Variants in HPSE2 observed in about 807,000 individuals in gnomAD.
HPSE2 encodes heparanase 2 (inactive).
A neutral mutation model predicts 60.5 loss-of-function variants in HPSE2; 38 were observed. The ratio of observed to expected loss-of-function variants is 0.63; its 90% CI spans 0.48 to 0.82. The LOEUF (loss-of-function observed/expected upper bound fraction) is 0.82, where lower values mean the gene tolerates loss of function less well. HPSE2 is among the 40% of genes least tolerant of loss of function. The pLI, the probability that HPSE2 is intolerant of heterozygous loss-of-function variation, is 0.00. For synonymous variants in HPSE2, 295 were observed against 293.2 expected, an observed-to-expected ratio of 1.01 and a Z score of -0.06; for missense variants, 713 against 740.4, an observed-to-expected ratio of 0.96 and a Z score of 0.43.
intron 3 of HPSE2, among the ~76,000 whole-genome samples, chr10:98,850,900 T>C (rs907095063): frequency 6.6e-6 from 1 of 152,224 alleles, no homozygotes; most frequent in Non-Finnish European, 1.5e-5. Flanking sequence ...AAGTAGACAC[T>C]GTTTCTCCCT....
intron 9 of HPSE2, among the ~76,000 whole-genome samples, chr10:98,522,017 G>C (rs1942810647): frequency 1.3e-5 from 2 of 151,936 alleles, no homozygotes; most frequent in African/African-American, 4.8e-5. Context: ...AAAGCATTAG[G>C]AGAAATACCT....
chr10:98,703,008 G>T lies in HPSE2; in HGVS notation c.957-9061C>A, dbSNP rs143186576. On this transcript the variant is annotated intron_variant, in intron 5 of 11. Transcript: ENST00000370552. ...CAATGAATCCAGGAGCTGGTTTTTAGTAAAAATTAACAAAATAGATAGACT... is the reference window on the plus strand; with the variant it reads ...CAATGAATCCAGGAGCTGGTTTTTATTAAAAATTAACAAAATAGATAGACT... Among the ~76,000 whole-genome samples, 386 of 152,108 alleles carry T rather than the reference G, an allele frequency of 2.5e-3. 2 individuals are homozygous for T. The highest frequency in any genetic ancestry group is 0.02 in the Middle Eastern group (6 of 294).
chr10:99,224,029 A>G (rs1294784651), intron 2 of HPSE2, among the ~76,000 whole-genome samples: 1 of 152,116 alleles, frequency 6.6e-6, no homozygotes. Context: ...AGACTACTAC[A>G]AAATTTATGT....
At chr10:98,946,790 G>A (rs1422513362) in intron 3 of HPSE2, among the ~76,000 whole-genome samples, 1 of 151,974 alleles carries the variant, frequency 6.6e-6, no homozygotes, top group Non-Finnish European at 1.5e-5. Context: ...AGTATCTATT[G>A]TACTATGGTA....
At chr10:98,467,756 C>A (rs935757630) in intron 11 of HPSE2, among the ~76,000 whole-genome samples, 1 of 152,280 alleles carries the variant, frequency 6.6e-6, no homozygotes, top group East Asian at 1.9e-4. Context: ...TGCGCTTGGC[C>A]TCCCGGAGGA....
At chr10:98,821,497 G>GC (rs1951422501) in intron 3 of HPSE2, among the ~76,000 whole-genome samples, 1 of 152,174 alleles carries the variant, frequency 6.6e-6, no homozygotes, top group South Asian at 2.1e-4. Flanking sequence ...ACAAAAATGT[G>GC]CAGCACATGA....
intron 3 of HPSE2, among the ~76,000 whole-genome samples, chr10:98,891,113 G>C (rs990868131): frequency 6.6e-6 from 1 of 151,930 alleles, no homozygotes; most frequent in African/African-American, 2.4e-5. Context: ...TATTGATCTA[G>C]GTTCTAGGGT....
intron 3 of HPSE2, among the ~76,000 whole-genome samples, chr10:99,098,567 T>G (rs1843807627): frequency 2.0e-5 from 3 of 152,224 alleles, no homozygotes; most frequent in Admixed American, 2.0e-4. Context: ...CCACTTTTAT[T>G]CTTAACTCCA....
At chr10:98,706,643 T>C (rs1281617418) in intron 5 of HPSE2, among the ~76,000 whole-genome samples, 2 of 151,990 alleles carry the variant, frequency 1.3e-5, no homozygotes, top group Non-Finnish European at 2.9e-5. Context: ...GAATATGAGA[T>C]TGAAAGAAGG....
At chr10:99,044,707 A>G (rs1488486685) in intron 3 of HPSE2, among the ~76,000 whole-genome samples, 1 of 152,288 alleles carries the variant, frequency 6.6e-6, no homozygotes, top group South Asian at 2.1e-4. Context: ...AAATAGCAGG[A>G]ATTGTTATTC....
At chr10:99,254,703 G>T in the HPSE2 span, among the ~76,000 whole-genome samples, 1 of 152,142 alleles carries the variant, frequency 6.6e-6, no homozygotes, top group Non-Finnish European at 1.5e-5. Flanking sequence ...TAAAATGTAT[G>T]AGATCCTTAC....
intron 3 of HPSE2, among the ~76,000 whole-genome samples, chr10:99,031,758 A>G (rs1450118547): frequency 6.6e-6 from 1 of 152,224 alleles, no homozygotes; most frequent in Non-Finnish European, 1.5e-5. Flanking sequence ...ATTGGAAGAC[A>G]CAGCAGGAAA....
At chr10:98,727,064 T>C (rs1589718883) in intron 4 of HPSE2, among the ~76,000 whole-genome samples, 1 of 148,042 alleles carries the variant, frequency 6.8e-6, no homozygotes, top group African/African-American at 2.7e-5. Flanking sequence ...AGGAGACTTG[T>C]CTTAACAATT....
chr10:99,068,107 C>T (rs1842671718), intron 3 of HPSE2, among the ~76,000 whole-genome samples: 1 of 152,148 alleles, frequency 6.6e-6, no homozygotes, highest in Non-Finnish European at 1.5e-5. Flanking sequence ...CCTTCTTGCC[C>T]ATATCACTAT....
At chr10:99,238,579 A>C (rs141185865), upstream of HPSE2, among the ~76,000 whole-genome samples, 41 of 152,298 alleles carry the variant, frequency 2.7e-4, no homozygotes, top group East Asian at 7.3e-3. Flanking sequence ...GATATTTAAG[A>C]GGTTAGCCCT....
intron 4 of HPSE2, among the ~76,000 whole-genome samples, chr10:98,724,349 T>A (rs564142345): frequency 8.0e-4 from 122 of 152,310 alleles, no homozygotes; most frequent in Non-Finnish European, 1.5e-3. Flanking sequence ...ATAATTTCTG[T>A]TCTTTGACAT....
intron 9 of HPSE2, among the ~76,000 whole-genome samples, chr10:98,612,906 C>G (rs1173214064): frequency 3.3e-5 from 5 of 152,160 alleles, no homozygotes; most frequent in Non-Finnish European, 7.3e-5. Flanking sequence ...TCCTGCCTAC[C>G]TCATTTCCAA....
chr10:98,877,592 T>C (rs1042793557), intron 3 of HPSE2, among the ~76,000 whole-genome samples: 1 of 151,794 alleles, frequency 6.6e-6, no homozygotes, highest in Non-Finnish European at 1.5e-5. Context: ...AAATCATAAC[T>C]GAAAAGAAAT....
At chr10:98,836,599 C>G (rs2134673788) in intron 3 of HPSE2, among the ~76,000 whole-genome samples, 1 of 152,212 alleles carries the variant, frequency 6.6e-6, no homozygotes, top group South Asian at 2.1e-4. Flanking sequence ...TAGAACAGGT[C>G]ATGAGTAAGG....
Sources: allele counts gnomAD v4.1 joint callset (sites outside exome capture counted in the v4.1 genomes callset), GRCh38; gene constraint gnomAD v4.1.1; transcripts MANE v1.5; gene names NCBI Gene and HGNC (gene_info 2026-07-23, HGNC 2026-07-21).